EBF3: variants seen among roughly 807,000 people sequenced by gnomAD.
EBF3 encodes transcription factor COE3.
In EBF3, 18 loss-of-function variants were observed where a neutral mutation model predicts 77.1. That is an observed-to-expected ratio of 0.23 (90% CI 0.16 to 0.35). The LOEUF is 0.35. Among genes scored for constraint, EBF3 ranks in the 10% least tolerant of loss-of-function variants. EBF3 has a pLI of 1.00. For missense variants in EBF3, 558 were observed against 860.0 expected (o/e 0.65, Z 4.39); for synonymous variants, 350 against 343.5 (o/e 1.02, Z -0.21).
chr10:129,915,841 G>T (rs916612457), intron 6 of EBF3, among the ~76,000 whole-genome samples: 2 of 152,208 alleles, frequency 1.3e-5, no homozygotes, highest in Admixed American at 1.3e-4. Context: ...GCTGGCAGAG[G>T]GGGTGGCTCC....
At chr10:129,939,026 C>A (rs558199750) in intron 6 of EBF3, among the ~76,000 whole-genome samples, 2 of 152,198 alleles carry the variant, frequency 1.3e-5, no homozygotes, top group Non-Finnish European at 2.9e-5. Flanking sequence ...GAGGAAACAC[C>A]AAACCACTCC....
chr10:129,887,213 C>A (rs888193131), intron 6 of EBF3, among the ~76,000 whole-genome samples: 2 of 152,226 alleles, frequency 1.3e-5, no homozygotes, highest in African/African-American at 4.8e-5. Flanking sequence ...CCCAACTTTG[C>A]ACGTCACCTT....
chr10:129,874,163 C>A (rs1366483249), intron 7 of EBF3, among the ~76,000 whole-genome samples: 1 of 152,094 alleles, frequency 6.6e-6, no homozygotes, highest in Non-Finnish European at 1.5e-5. Context: ...TCTGAAAAGA[C>A]TGAGTTGAAT....
At chr10:129,940,839 C>T (rs1352919332) in intron 6 of EBF3, among the ~76,000 whole-genome samples, 1 of 152,178 alleles carries the variant, frequency 6.6e-6, no homozygotes, top group African/African-American at 2.4e-5. Context: ...ACCCCGGAAA[C>T]CTGTCACCAG....
intron 7 of EBF3, among the ~76,000 whole-genome samples, chr10:129,875,496 G>A (rs1265747885): frequency 7.2e-5 from 11 of 152,198 alleles, no homozygotes; most frequent in African/African-American, 2.2e-4. Flanking sequence ...GCGCCCGGCC[G>A]GCTTTTTCGT....
chr10:129,847,163 A>C (rs1042768910), intron 11 of EBF3, among the ~76,000 whole-genome samples: 3 of 151,888 alleles, frequency 2.0e-5, no homozygotes, highest in African/African-American at 7.3e-5. Context: ...ACCCCCCGAG[A>C]GCGCAGCTGC....
In EBF3 at chr10:129,927,003, C is replaced by T. The variant is rs114770604; in HGVS notation, c.554+30255G>A. Among the ~76,000 whole-genome samples, 1,249 of 152,344 alleles carry T rather than the reference C, an allele frequency of 8.2e-3. 19 individuals are homozygous for T. The highest frequency in any genetic ancestry group is 0.029 in the African/African-American group (1,192 of 41,588). Reference sequence around the variant, plus strand: ...CATCCTCCACCGTGGCCCCAGGAACCGCTGCTCCCTTGGGCAGTGCCATTG... The same window carrying T: ...CATCCTCCACCGTGGCCCCAGGAACTGCTGCTCCCTTGGGCAGTGCCATTG... On this transcript the variant is annotated intron_variant, in intron 6 of 16. Transcript: ENST00000440978.
intron 5 of EBF3, among the ~76,000 whole-genome samples, chr10:129,958,725 C>T (rs1330389342): frequency 1.3e-5 from 2 of 152,212 alleles, no homozygotes; most frequent in Non-Finnish European, 2.9e-5. Context: ...ATCCGCTCTG[C>T]TGAGCAGCGG....
intron 6 of EBF3, among the ~76,000 whole-genome samples, chr10:129,937,738 GCCAACCTGTC>G (rs1857459611): frequency 6.6e-6 from 1 of 152,112 alleles, no homozygotes; most frequent in Admixed American, 6.5e-5. Flanking sequence ...CCACCCCCAG[GCCAACCTGTC>G]CCGGGCTGTC....
In EBF3 at chr10:129,952,390, G is replaced by A. The variant is rs914763329; in HGVS notation, c.554+4868C>T. On this transcript the variant is annotated intron_variant, in intron 6 of 16. Coordinates refer to ENST00000440978, the MANE Select transcript of EBF3 (RefSeq NM_001375380.1). This position sits in a 1 kb window ranked among gnomAD's most constrained non-coding sequence, Gnocchi z 4.7. ...AGAAAACCTTGGATCCCTAAATGAT[G>A]TGTAATTAATATTATTTTTAAAATC... is the stretch of plus-strand genomic sequence containing the variant. Among the ~76,000 whole-genome samples the A allele has an allele frequency of 7.9e-5, 12 of 152,206 alleles. No homozygotes were observed. Among genetic ancestry groups the A allele is most frequent in the African/African-American group, 2.7e-4 (11 of 41,436 alleles).
chr10:129,840,076 G>A (rs1849907028), intron 15 of EBF3, among the ~76,000 whole-genome samples, 169 bp downstream of exon 15: 1 of 152,268 alleles, frequency 6.6e-6, no homozygotes, highest in Admixed American at 6.5e-5. Flanking sequence ...CAGTGCACAG[G>A]GGTCCTCGCT....
intron 6 of EBF3, among the ~76,000 whole-genome samples, chr10:129,888,488 C>G (rs1853775787): frequency 6.6e-6 from 1 of 152,238 alleles, no homozygotes; most frequent in Admixed American, 6.5e-5. Context: ...AGGCCCAGTC[C>G]CACTGGTGAA....
chr10:129,927,992 C>G (rs1856784354), intron 6 of EBF3, among the ~76,000 whole-genome samples: 1 of 152,214 alleles, frequency 6.6e-6, no homozygotes, highest in African/African-American at 2.4e-5. Flanking sequence ...GCTGGCTTCT[C>G]CAGGCCCCCA....
Position 129,944,122 on chromosome 10 carries a change from TC to T in EBF3, c.554+13135del, listed in dbSNP as rs748460447. ...TAGTAATCAAGTTATTCCTGTAAAA[TC>T]CTAAATAAAATGAGAATTTTATTAA... On this transcript the variant is annotated intron_variant, in intron 6 of 16. Transcript: ENST00000440978. The surrounding 1 kb of genome is among the most constrained non-coding windows in gnomAD (Gnocchi z 5.1). Among the ~76,000 whole-genome samples, 5 of 152,174 alleles carry T rather than the reference TC, an allele frequency of 3.3e-5. No homozygotes were observed. Among genetic ancestry groups the T allele is most frequent in the Non-Finnish European group, 5.9e-5 (4 of 68,026 alleles).
intron 10 of EBF3, among the ~76,000 whole-genome samples, chr10:129,850,394 C>T (rs1001104249): frequency 4.1e-4 from 62 of 152,296 alleles, no homozygotes; most frequent in African/African-American, 1.5e-3. Flanking sequence ...TCTTTGATGC[C>T]CAAAAATATG....
In EBF3 at chr10:129,944,936, T is replaced by C. The variant is rs1589927385; in HGVS notation, c.554+12322A>G. Reference sequence around the variant, plus strand: ...TTAAAAGAAAAACACTGTCTGAAGTTTAGAATAAACTGTACTTGACATTTA... The same window carrying C: ...TTAAAAGAAAAACACTGTCTGAAGTCTAGAATAAACTGTACTTGACATTTA... On this transcript the variant is annotated intron_variant, in intron 6 of 16. Coordinates refer to ENST00000440978, the MANE Select transcript of EBF3 (RefSeq NM_001375380.1). This position sits in a 1 kb window ranked among gnomAD's most constrained non-coding sequence, Gnocchi z 5.1. Among the ~76,000 whole-genome samples the C allele has an allele frequency of 6.6e-6, 1 of 150,866 alleles. No individual in the cohort carries two copies. Among genetic ancestry groups the C allele is most frequent in the Admixed American group, 6.6e-5 (1 of 15,126 alleles).
Position 129,863,473 on chromosome 10 carries a change from T to C in EBF3, c.1039+3668A>G, listed in dbSNP as rs925103221. ...TTCTCAGATCACTGTAAACAGATCATTGAGGCCCTTTGCAAAGCCCCTCCC... is the reference window on the plus strand; with the variant it reads ...TTCTCAGATCACTGTAAACAGATCACTGAGGCCCTTTGCAAAGCCCCTCCC... On this transcript the variant is annotated intron_variant, in intron 10 of 16. Transcript: ENST00000440978. The surrounding 1 kb of genome is among the most constrained non-coding windows in gnomAD (Gnocchi z 4.0). Among the ~76,000 whole-genome samples, 11 of 152,230 alleles carry C rather than the reference T, an allele frequency of 7.2e-5. No individual in the cohort carries two copies. Among genetic ancestry groups the C allele is most frequent in the South Asian group, 2.1e-4 (1 of 4,830 alleles).
At position 129,837,969 on chromosome 10, in the gene EBF3, CAGA is replaced by C. The variant is rs1290088488; in HGVS notation, c.1873-12_1873-10del. The C allele has an allele frequency of 1.2e-6, 2 of 1,614,076 alleles. No homozygotes were observed. Among genetic ancestry groups the C allele is most frequent in the Non-Finnish European group, 1.7e-6 (2 of 1,179,986 alleles). On this transcript the variant is annotated splice_polypyrimidine_tract_variant and intron_variant, in intron 16 of 16. Coordinates refer to ENST00000440978, the MANE Select transcript of EBF3 (RefSeq NM_001375380.1). ...TACCAGCCCAGACATAGCTGCAAGACAGAAGGACAGAGCAGTTACTGCAGGCTC... is the reference window on the plus strand; with the variant it reads ...TACCAGCCCAGACATAGCTGCAAGACAGGACAGAGCAGTTACTGCAGGCTC...
chr10:129,925,603 AAAAAG>A (rs1415075935), intron 6 of EBF3, among the ~76,000 whole-genome samples: 28 of 151,346 alleles, frequency 1.9e-4, no homozygotes, highest in East Asian at 3.9e-4. Flanking sequence ...AAAAAAAAAA[AAAAAG>A]AAAGAAAGAA....
Sources: allele counts gnomAD v4.1 joint callset (sites outside exome capture counted in the v4.1 genomes callset), GRCh38; gene constraint gnomAD v4.1.1; non-coding constraint Gnocchi (gnomAD v3.1); transcripts MANE v1.5; gene names NCBI Gene and HGNC (gene_info 2026-07-23, HGNC 2026-07-21).